CFAP44: variants seen among roughly 807,000 people sequenced by gnomAD.
CFAP44 encodes cilia- and flagella-associated protein 44.
In CFAP44, 134 loss-of-function variants were observed where a neutral mutation model predicts 216.2. That is an observed-to-expected ratio of 0.62 (90% confidence interval 0.54 to 0.72). The LOEUF is 0.72. Ranked by LOEUF, CFAP44 falls within the 30% of genes least tolerant of loss-of-function variation. The pLI, the probability that CFAP44 is intolerant of heterozygous loss-of-function variation, is 0.00. For synonymous variants in CFAP44, 700 were observed against 727.6 expected, an observed-to-expected ratio of 0.96 and a Z score of 0.61; for missense variants, 2,035 against 2,182.1, an observed-to-expected ratio of 0.93 and a Z score of 1.34.
At chr3:113,375,983 C>T (rs74376601) in intron 17 of CFAP44, among the ~76,000 whole-genome samples, 12,825 of 151,052 alleles carry the variant, frequency 0.085, 681 homozygotes, top group East Asian at 0.15. Flanking sequence ...AGAATGAGTG[C>T]GACAAATAGA....
intron 2 of CFAP44, among the ~76,000 whole-genome samples, chr3:113,431,623 A>C (rs528578424): frequency 6.6e-6 from 1 of 152,304 alleles, no homozygotes; most frequent in Non-Finnish European, 1.5e-5. Context: ...TCTGGACAGG[A>C]AGACTGAGGT....
intron 28 of CFAP44, among the ~76,000 whole-genome samples, chr3:113,325,225 C>G (rs972239580): frequency 6.7e-6 from 1 of 150,100 alleles, no homozygotes; most frequent in South Asian, 2.1e-4. Flanking sequence ...TGGTGTGAAC[C>G]CGAGGGCGGA....
chr3:113,413,741 C>T (rs1934561477), intron 6 of CFAP44, among the ~76,000 whole-genome samples: 1 of 152,156 alleles, frequency 6.6e-6, no homozygotes, highest in Non-Finnish European at 1.5e-5. Flanking sequence ...GTACCAGTAC[C>T]ATGCTGTTTT....
chr3:113,414,876 A>G (rs1455637008), intron 6 of CFAP44, among the ~76,000 whole-genome samples: 1 of 152,176 alleles, frequency 6.6e-6, no homozygotes, highest in Non-Finnish European at 1.5e-5. Context: ...CTGGCTTCGT[A>G]AAATGAGTTA....
At chr3:113,418,605 G>A (rs1442345579) in intron 5 of CFAP44, among the ~76,000 whole-genome samples, 4 of 152,166 alleles carry the variant, frequency 2.6e-5, no homozygotes, top group Non-Finnish European at 5.9e-5. Context: ...CACTACCCAG[G>A]CTTCAACAGC....
At chr3:113,394,247 A>T (rs1274478825) in intron 15 of CFAP44, among the ~76,000 whole-genome samples, 1 of 152,128 alleles carries the variant, frequency 6.6e-6, no homozygotes, top group Non-Finnish European at 1.5e-5. Context: ...GACAATTAAG[A>T]CACAAAACTA....
chr3:113,431,338 C>T (rs1048748652), intron 2 of CFAP44, among the ~76,000 whole-genome samples: 15 of 152,022 alleles, frequency 9.9e-5, no homozygotes, highest in Admixed American at 3.3e-4. Context: ...AAAAGGTCTG[C>T]GCCTAACAGC....
chr3:113,436,554 T>C lies in CFAP44; in HGVS notation c.-5-2885A>G, dbSNP rs904199062. Among the ~76,000 whole-genome samples the C allele has an allele frequency of 3.3e-5, 5 of 152,232 alleles. No homozygotes were observed. In the South Asian group the frequency reaches 6.2e-4, roughly 19 times the overall value. Reference sequence around the variant, plus strand: ...CTTCTAAATCACTGATTCAGATCCATCAGAGTTTGACCAAAACAAGGATGG... The same window carrying C: ...CTTCTAAATCACTGATTCAGATCCACCAGAGTTTGACCAAAACAAGGATGG... On this transcript the variant is annotated intron_variant, in intron 1 of 34. Transcript: ENST00000393845.
At chr3:113,351,836 G>A (rs1207325285) in intron 22 of CFAP44, among the ~76,000 whole-genome samples, 1 of 152,084 alleles carries the variant, frequency 6.6e-6, no homozygotes, top group African/African-American at 2.4e-5. Context: ...CTCCAGAATC[G>A]ATGCCATCAA....
intron 28 of CFAP44, among the ~76,000 whole-genome samples, chr3:113,308,645 C>A (rs1950009254): frequency 6.6e-6 from 1 of 151,820 alleles, no homozygotes; most frequent in African/African-American, 2.4e-5. Context: ...GGCTGTAGTG[C>A]AGTGATGCAA....
Position 113,330,297 on chromosome 3 carries a change from T to C in CFAP44, c.3987A>G (p.Ala1329=), listed in dbSNP as rs757109721. Reference sequence around the variant, plus strand: ...TTGGTATATCTAGGCTGAATGTTGATGCCTTTGATGATCTAGATATTGAAT... The same window carrying C: ...TTGGTATATCTAGGCTGAATGTTGACGCCTTTGATGATCTAGATATTGAAT... ...TRDSISRSSK[A]STFSLDIPKC... Residue 1329 remains alanine, a synonymous_variant, in exon 26 of 35, where the codon GCA becomes GCG. Coordinates refer to ENST00000393845, the MANE Select transcript of CFAP44 (RefSeq NM_001164496.2). The C allele has an allele frequency of 5.9e-6, 9 of 1,537,410 alleles. No individual in the cohort carries two copies. Among genetic ancestry groups the C allele is most frequent in the Non-Finnish European group, 7.8e-6 (9 of 1,146,924 alleles).
intron 24 of CFAP44, among the ~76,000 whole-genome samples, chr3:113,338,702 A>G (rs1163145843): frequency 6.6e-6 from 1 of 152,210 alleles, no homozygotes; most frequent in African/African-American, 2.4e-5. Context: ...GTCATCTGAA[A>G]AGTTGCCAAG....
rs74432840 is a variant in CFAP44 at position 113,378,307 on chromosome 3, A to G, written c.2298+999T>C. Among the ~76,000 whole-genome samples, 172 of 152,340 alleles carry G rather than the reference A, an allele frequency of 1.1e-3. 1 individual carries two copies. Among genetic ancestry groups the G allele is most frequent in the African/African-American group, 3.1e-3 (130 of 41,576 alleles). On this transcript the variant is annotated intron_variant, in intron 17 of 34. Transcript: ENST00000393845. ...TATCCTTTGAACTCCATACAATAGT[A>G]GCCATTTACAATTGTTTTATAAAAC...
intron 22 of CFAP44, among the ~76,000 whole-genome samples, chr3:113,358,413 T>G (rs928959446): frequency 1.3e-5 from 2 of 152,176 alleles, no homozygotes; most frequent in Non-Finnish European, 2.9e-5. Context: ...TTTAAAGTCC[T>G]TTGGTTCCAT....
At chr3:113,371,461 C>A (rs908718362) in intron 18 of CFAP44, among the ~76,000 whole-genome samples, 1 of 152,028 alleles carries the variant, frequency 6.6e-6, no homozygotes. Context: ...ACAAACCTGA[C>A]AAAAACAAGA....
intron 6 of CFAP44, among the ~76,000 whole-genome samples, chr3:113,410,821 CT>C (rs1168797964): frequency 1.3e-5 from 2 of 152,122 alleles, no homozygotes; most frequent in Non-Finnish European, 2.9e-5. Flanking sequence ...TGTTTCCTGA[CT>C]TTTTAATGAT....
At chr3:113,325,300 CAAA>C (rs541100248) in intron 28 of CFAP44, among the ~76,000 whole-genome samples, 6 of 70,932 alleles carry the variant, frequency 8.5e-5, no homozygotes, top group Non-Finnish European at 1.2e-4. Context: ...GACTCCGTCT[CAAA>C]AAAAAAAAAA....
chr3:113,367,942 T>C (rs1175769674), intron 18 of CFAP44, among the ~76,000 whole-genome samples: 2 of 152,134 alleles, frequency 1.3e-5, no homozygotes, highest in Non-Finnish European at 2.9e-5. Context: ...TCGTGACGCA[T>C]GCACAAGCTT....
chr3:113,400,667 C>T (rs1327339212), intron 11 of CFAP44, 23 bp from the exon 12 acceptor site: 1 of 1,588,548 alleles, frequency 6.3e-7, no homozygotes, highest in Non-Finnish European at 8.6e-7. Flanking sequence ...AGACAGCTTA[C>T]TAGATCTCAA....
Sources: allele counts gnomAD v4.1 joint callset (sites outside exome capture counted in the v4.1 genomes callset), GRCh38; gene constraint gnomAD v4.1.1; transcripts MANE v1.5; gene names NCBI Gene and HGNC (gene_info 2026-07-23, HGNC 2026-07-21).